UBE3C: variants seen among roughly 807,000 people sequenced by gnomAD.
UBE3C encodes ubiquitin protein ligase E3C.
A neutral mutation model predicts 129.4 loss-of-function variants in UBE3C; 42 were observed. That is an observed-to-expected ratio of 0.32 (90% CI 0.25 to 0.42). The LOEUF (loss-of-function observed/expected upper bound fraction) is 0.42, where lower values mean the gene tolerates loss of function less well. Among genes scored for constraint, UBE3C ranks in the 10% least tolerant of loss-of-function variants. UBE3C has a pLI of 1.00. For synonymous variants in UBE3C, 510 were observed against 492.4 expected, an observed-to-expected ratio of 1.04 and a Z score of -0.47; for missense variants, 1,049 against 1,319.1, an observed-to-expected ratio of 0.80 and a Z score of 3.17.
intron 18 of UBE3C, among the ~76,000 whole-genome samples, chr7:157,245,660 A>G (rs1380151549): frequency 6.6e-6 from 1 of 152,234 alleles, no homozygotes. Context: ...TAAAAGCACA[A>G]GGACATAATA....
intron 22 of UBE3C, among the ~76,000 whole-genome samples, chr7:157,259,600 T>G (rs1796843901): frequency 6.6e-6 from 1 of 152,208 alleles, no homozygotes; most frequent in Non-Finnish European, 1.5e-5. Flanking sequence ...GAAAACACTG[T>G]GCTAAGTGAA....
At chr7:157,210,473 G>A (rs1383819277) in intron 13 of UBE3C, among the ~76,000 whole-genome samples, 2 of 152,082 alleles carry the variant, frequency 1.3e-5, no homozygotes, top group Non-Finnish European at 2.9e-5. Context: ...CACCTCTGTA[G>A]TTAACTGTGT....
At chr7:157,145,086 G>A (rs754861439) in intron 1 of UBE3C, among the ~76,000 whole-genome samples, 40 of 151,492 alleles carry the variant, frequency 2.6e-4, no homozygotes, top group Admixed American at 1.7e-3. Context: ...CCTGGCCAAC[G>A]TGGTGAAACC....
Position 157,231,012 on chromosome 7 carries a change from A to G in UBE3C, c.2234-68A>G, listed in dbSNP as rs1796009580. ...ACACCCCTTCCTTAAGCCTTCCTGT[A>G]AGGCTAGTTGATGTTATTGCTTGCT... On this transcript the variant is annotated intron_variant, in intron 17 of 22. Transcript: ENST00000348165. 4 of 1,582,522 alleles carry G rather than the reference A, an allele frequency of 2.5e-6. No homozygotes were observed. In the East Asian group the frequency reaches 9.0e-5, roughly 35 times the overall value.
At chr7:157,267,476 C>G (rs1797111183) in intron 22 of UBE3C, 109 bp from the exon 23 acceptor site, 1 of 1,312,704 alleles carries the variant, frequency 7.6e-7, no homozygotes, top group Non-Finnish European at 1.1e-6. Flanking sequence ...AATGTGACTG[C>G]AATGGTAACT....
chr7:157,244,058 C>T (rs907675236), intron 18 of UBE3C, among the ~76,000 whole-genome samples: 1 of 152,058 alleles, frequency 6.6e-6, no homozygotes, highest in Non-Finnish European at 1.5e-5. Flanking sequence ...TGGGGAAACC[C>T]TGTCTCTACT....
At chr7:157,196,118 G>A (rs2116969491) in intron 10 of UBE3C, among the ~76,000 whole-genome samples, 1 of 152,294 alleles carries the variant, frequency 6.6e-6, no homozygotes, top group East Asian at 1.9e-4. Context: ...AAGGGTCATA[G>A]AGATGAAACA....
chr7:157,139,880 A>G (rs889312780), intron 1 of UBE3C: 4 of 510,450 alleles, frequency 7.8e-6, no homozygotes, highest in Admixed American at 6.4e-5. Flanking sequence ...GATAATCTCT[A>G]AAGTAGAGGC....
chr7:157,165,537 A>G (rs1808190724), intron 2 of UBE3C, among the ~76,000 whole-genome samples: 1 of 151,784 alleles, frequency 6.6e-6, no homozygotes, highest in Admixed American at 6.6e-5. Flanking sequence ...AGCTGGGACT[A>G]CAGGTGCACG....
intron 10 of UBE3C, chr7:157,198,006 A>G (rs533011472): frequency 6.2e-6 from 10 of 1,606,258 alleles, no homozygotes; most frequent in South Asian, 5.5e-5. Context: ...ATGGTCCTCC[A>G]TATCCCAATT....
intron 14 of UBE3C, among the ~76,000 whole-genome samples, chr7:157,218,207 A>G (rs1161825223): frequency 6.6e-6 from 1 of 152,124 alleles, no homozygotes; most frequent in African/African-American, 2.4e-5. Context: ...GCACTTTGGG[A>G]GGCCAAGGCA....
intron 18 of UBE3C, among the ~76,000 whole-genome samples, chr7:157,240,492 T>G (rs533278816): frequency 6.6e-6 from 1 of 152,268 alleles, no homozygotes; most frequent in Non-Finnish European, 1.5e-5. Context: ...TAAAGTGAAG[T>G]GAGACCAGCC....
At chr7:157,222,119 C>T (rs1795753610) in intron 15 of UBE3C, 1 of 152,214 alleles carries the variant, frequency 6.6e-6, no homozygotes, top group African/African-American at 2.4e-5. Context: ...GATCTTCCCA[C>T]CTTGGCCTCC....
At chr7:157,177,613 G>A (rs946427556) in intron 5 of UBE3C, among the ~76,000 whole-genome samples, 4 of 152,184 alleles carry the variant, frequency 2.6e-5, no homozygotes, top group Admixed American at 1.3e-4. Context: ...TACACCCCTC[G>A]AGAGACACCA....
chr7:157,233,489 A>G (rs146657919), intron 18 of UBE3C, among the ~76,000 whole-genome samples: 5 of 152,232 alleles, frequency 3.3e-5, no homozygotes, highest in Non-Finnish European at 7.4e-5. Context: ...CATGTTGCCC[A>G]GGCTGGTCTT....
At chr7:157,185,372 A>G (rs940745131) in intron 9 of UBE3C, among the ~76,000 whole-genome samples, 2 of 152,202 alleles carry the variant, frequency 1.3e-5, no homozygotes, top group African/African-American at 2.4e-5. Flanking sequence ...ATATTACTCT[A>G]TATTCTTTTT....
chr7:157,257,084 A>G (rs781605915), intron 22 of UBE3C, 40 bp downstream of exon 22: 3 of 1,609,622 alleles, frequency 1.9e-6, no homozygotes, highest in South Asian at 2.2e-5. Flanking sequence ...AGACCACTTC[A>G]TAATAAGAAA....
intron 14 of UBE3C, among the ~76,000 whole-genome samples, chr7:157,218,577 C>G (rs957033570): frequency 6.6e-6 from 1 of 152,174 alleles, no homozygotes; most frequent in Non-Finnish European, 1.5e-5. Flanking sequence ...TTGCATCTAA[C>G]TCTGCCCACT....
intron 1 of UBE3C, among the ~76,000 whole-genome samples, chr7:157,158,158 A>T (rs1000117839): frequency 5.5e-5 from 8 of 145,818 alleles, no homozygotes; most frequent in Admixed American, 1.5e-4. Flanking sequence ...TCCCAAAGTG[A>T]TGGAATTACA....
Sources: gnomAD v4.1 joint callset for allele counts (sites outside exome capture counted in the v4.1 genomes callset) on GRCh38, gnomAD v4.1.1 for gene constraint, MANE v1.5 for transcripts, NCBI Gene and HGNC (gene_info 2026-07-23, HGNC 2026-07-21) for gene names.